The following PCDHGA3 variants were observed in gnomAD, a reference collection of about 807,000 sequenced individuals.
The protein encoded by PCDHGA3 is protocadherin gamma-A3.
PCDHGA3 carries 40 observed loss-of-function variants against 58.5 expected under a neutral mutation model. That is an observed-to-expected ratio of 0.68 (90% CI 0.53 to 0.89). PCDHGA3 has a LOEUF of 0.89. PCDHGA3 is among the 40% of genes least tolerant of loss of function. The probability of loss-of-function intolerance (pLI) is 0.00; values close to 1 mark genes in which losing one functional copy is unlikely to be tolerated. For synonymous variants in PCDHGA3, 530 were observed against 525.7 expected, an observed-to-expected ratio of 1.01 and a Z score of -0.11; for missense variants, 1,223 against 1,195.9, an observed-to-expected ratio of 1.02 and a Z score of -0.33.
At chr5:141,356,862 C>A (rs767656951) in intron 1 of PCDHGA3, 1 of 1,614,204 alleles carries the variant, frequency 6.2e-7, no homozygotes, top group Admixed American at 1.7e-5. Flanking sequence ...TTGTGCTGGA[C>A]CAGAACGACA....
chr5:141,399,909 A>G (rs1181363803), intron 1 of PCDHGA3: 6 of 1,612,410 alleles, frequency 3.7e-6, no homozygotes, highest in East Asian at 4.5e-5. Flanking sequence ...ACGCAGACTC[A>G]GGACACAACG....
chr5:141,478,758 T>C (rs1333135263), intron 1 of PCDHGA3: 2 of 1,515,540 alleles, frequency 1.3e-6, no homozygotes, highest in South Asian at 1.3e-5. Flanking sequence ...AGGGGGAAGA[T>C]ACTTGACTCA....
intron 1 of PCDHGA3, chr5:141,441,702 A>G: frequency 3.2e-6 from 1 of 309,906 alleles, no homozygotes. Context: ...GCGAGCCTTC[A>G]AGCTCACGCT....
At chr5:141,427,803 G>A (rs781324396) in intron 1 of PCDHGA3, 2 of 1,511,804 alleles carry the variant, frequency 1.3e-6, no homozygotes, top group Admixed American at 1.7e-5. Context: ...GTCCGTGAGC[G>A]CACAGAGCGG....
chr5:141,370,383 G>T, intron 1 of PCDHGA3: 2 of 1,533,714 alleles, frequency 1.3e-6, no homozygotes, highest in African/African-American at 1.4e-5. Flanking sequence ...AGGCAAAGGC[G>T]CAGAGAGCGG....
At chr5:141,479,084 G>A (rs749298402) in intron 1 of PCDHGA3, among the ~76,000 whole-genome samples, 19 of 152,016 alleles carry the variant, frequency 1.2e-4, no homozygotes, top group Non-Finnish European at 1.9e-4. Flanking sequence ...GAAATTCCAG[G>A]CATCCTTTAA....
rs553772792 is a variant in PCDHGA3, at chr5:141,444,542, G to A, written c.2425-50265G>A. ...AGGTGAGACAGTGACTGTGTCTAGT[G>A]AGCAAAAGGCACTTATTTGACACTT... On this transcript the variant is annotated intron_variant, in intron 1 of 3. Coordinates refer to ENST00000253812, the MANE Select transcript of PCDHGA3 (RefSeq NM_018916.4). 3.3e-5 allele frequency among the ~76,000 whole-genome samples: 5 copies of A among 152,156 alleles called. No individual in the cohort carries two copies. The East Asian group carries it at 7.7e-4, about 24-fold the overall frequency.
intron 1 of PCDHGA3, chr5:141,366,752 G>A: frequency 1.2e-6 from 2 of 1,607,644 alleles, no homozygotes; most frequent in Non-Finnish European, 1.7e-6. Flanking sequence ...GCGAGTTCAG[G>A]TTAGTTTTCT....
chr5:141,347,778 C>G (rs1328271855), intron 1 of PCDHGA3, among the ~76,000 whole-genome samples: 3 of 149,542 alleles, frequency 2.0e-5, no homozygotes, highest in African/African-American at 7.4e-5. Flanking sequence ...TAGAGAGAGA[C>G]TCCATCTCAA....
In PCDHGA3 at chr5:141,383,047, A is replaced by T. The variant is rs373552606; in HGVS notation, c.2424+36590A>T. ...AGGGTCCTTTGTGGGAGACATCGCCAAGGACCTGGGGCTGGAGCCCCGGGA... is the reference window on the plus strand; with the variant it reads ...AGGGTCCTTTGTGGGAGACATCGCCTAGGACCTGGGGCTGGAGCCCCGGGA... On this transcript the variant is annotated intron_variant, in intron 1 of 3. Coordinates refer to ENST00000253812, the MANE Select transcript of PCDHGA3 (RefSeq NM_018916.4). The T allele has an allele frequency of 1.6e-5, 26 of 1,613,752 alleles. No individual in the cohort carries two copies. The African/African-American group carries it at 2.9e-4, about 18-fold the overall frequency.
At position 141,357,120 on chromosome 5, in the gene PCDHGA3, G is replaced by A. The variant is rs777241570; in HGVS notation, c.2424+10663G>A. The A allele has an allele frequency of 3.7e-6, 6 of 1,613,562 alleles. No homozygotes were observed. The Admixed American group carries it at 1.0e-4, about 27-fold the overall frequency. Reference sequence around the variant, plus strand: ...TGCTGGACAGAGACGCGCTCAAGCAGAGGCTTGTAGTGGTCGTCCAGGACC... The same window carrying A: ...TGCTGGACAGAGACGCGCTCAAGCAAAGGCTTGTAGTGGTCGTCCAGGACC... On this transcript the variant is annotated intron_variant, in intron 1 of 3. Transcript: ENST00000253812.
intron 1 of PCDHGA3, chr5:141,419,136 A>G: frequency 1.9e-6 from 3 of 1,613,918 alleles, no homozygotes; most frequent in Non-Finnish European, 1.7e-6. Context: ...GCAGCCACAG[A>G]CAGGGGCAAG....
At position 141,486,679 on chromosome 5, in the gene PCDHGA3, A is replaced by G. The variant is rs1416879364; in HGVS notation, c.2425-8128A>G. The G allele has an allele frequency of 6.2e-7, 1 of 1,614,092 alleles. No individual in the cohort carries two copies. The highest frequency in any genetic ancestry group is 1.7e-5 in the Admixed American group (1 of 60,026). On this transcript the variant is annotated intron_variant, in intron 1 of 3. Coordinates refer to ENST00000253812, the MANE Select transcript of PCDHGA3 (RefSeq NM_018916.4). The surrounding 1 kb of genome is among the most constrained non-coding windows in gnomAD (Gnocchi z 5.0). Reference sequence around the variant, plus strand: ...TCCTGGAGCCCAGGAATCGAGATGTATCAGCTTCCTCTTTCATCTCTCTGA... The same window carrying G: ...TCCTGGAGCCCAGGAATCGAGATGTGTCAGCTTCCTCTTTCATCTCTCTGA...
At chr5:141,413,338 G>A in intron 1 of PCDHGA3, 1 of 1,613,980 alleles carries the variant, frequency 6.2e-7, no homozygotes, top group African/African-American at 1.3e-5. Context: ...CATCTCCAAG[G>A]ACTTGGGTCT....
intron 1 of PCDHGA3, chr5:141,398,860 G>C: frequency 6.2e-7 from 1 of 1,614,010 alleles, no homozygotes; most frequent in South Asian, 1.1e-5. Flanking sequence ...ATTCAACCGA[G>C]ACGTGTACAG....
At position 141,470,736 on chromosome 5, in the gene PCDHGA3, C is replaced by T. The variant is rs541510544; in HGVS notation, c.2425-24071C>T. ...TTTTTGAGTCAGGGTCTTGCTCTGT[C>T]GCCCTGGCTGGAGTGCAGTGGACTC... On this transcript the variant is annotated intron_variant, in intron 1 of 3. Coordinates refer to ENST00000253812, the MANE Select transcript of PCDHGA3 (RefSeq NM_018916.4). Among the ~76,000 whole-genome samples, 104 of 152,208 alleles carry T rather than the reference C, an allele frequency of 6.8e-4. 2 individuals carry two copies. Among genetic ancestry groups the T allele is most frequent in the African/African-American group, 2.4e-3 (98 of 41,522 alleles).
chr5:141,374,457 A>G (rs775796857), intron 1 of PCDHGA3: 1 of 1,613,430 alleles, frequency 6.2e-7, no homozygotes. Context: ...GAAATAGTGG[A>G]CATTAATGAC....
chr5:141,464,138 G>A (rs62379197), intron 1 of PCDHGA3, among the ~76,000 whole-genome samples: 42,814 of 151,688 alleles, frequency 0.28, 6,814 homozygotes, highest in African/African-American at 0.44. Context: ...GGTGGTGGGC[G>A]CCTGTAGTCC....
chr5:141,439,410 A>T (rs2098110832), intron 1 of PCDHGA3, among the ~76,000 whole-genome samples: 1 of 152,220 alleles, frequency 6.6e-6, no homozygotes, highest in African/African-American at 2.4e-5. Context: ...TGCTAACATC[A>T]CTGAGGTTAT....
Sources: gnomAD v4.1 joint callset for allele counts (sites outside exome capture counted in the v4.1 genomes callset) on GRCh38, gnomAD v4.1.1 for gene constraint, Gnocchi (gnomAD v3.1) non-coding constraint, MANE v1.5 for transcripts, NCBI Gene and HGNC (gene_info 2026-07-23, HGNC 2026-07-21) for gene names.